MPHOSPH8: variants seen among roughly 807,000 people sequenced by gnomAD.
MPHOSPH8 encodes M-phase phosphoprotein, mpp.
In MPHOSPH8, 45 loss-of-function variants were observed where a neutral mutation model predicts 87.3. That is an observed-to-expected ratio of 0.52 (90% CI 0.41 to 0.66). The LOEUF is 0.66. Ranked by LOEUF, MPHOSPH8 falls within the 30% of genes least tolerant of loss-of-function variation. The pLI, the probability that MPHOSPH8 is intolerant of heterozygous loss-of-function variation, is 0.00. For missense variants in MPHOSPH8, 883 were observed against 1,020.2 expected, an observed-to-expected ratio of 0.87 and a Z score of 1.83; for synonymous variants, 366 against 376.9, an observed-to-expected ratio of 0.97 and a Z score of 0.33.
Position 19,642,095 on chromosome 13 carries a change from C to G in MPHOSPH8, c.214-20C>G. On this transcript the variant is annotated intron_variant, in intron 1 of 13. Coordinates refer to ENST00000361479, the MANE Select transcript of MPHOSPH8 (RefSeq NM_017520.4). The stretch of plus-strand genomic sequence containing the variant: ...AGTTAGCAATCTGCTTTATTTGCCT[C>G]CTTTTATTTTCTATAACAGGGTAAA... 1 of 1,356,300 alleles carries G rather than the reference C, an allele frequency of 7.4e-7. No individual in the cohort carries two copies. The highest frequency in any genetic ancestry group is 9.6e-7 in the Non-Finnish European group (1 of 1,041,902). 84.0% of individuals were successfully genotyped at this position (1,356,300 alleles called of 1,614,324 possible).
intron 1 of MPHOSPH8, 72 bp from the exon 2 acceptor site, chr13:19,642,043 T>TTG (rs1874321219): frequency 1.9e-6 from 2 of 1,038,088 alleles, no homozygotes; most frequent in South Asian, 3.6e-5. Context: ...CTCATCAGTT[T>TTG]TTTTTTTTTT....
intron 5 of MPHOSPH8, among the ~76,000 whole-genome samples, chr13:19,656,009 A>G (rs945130769): frequency 3.3e-5 from 5 of 152,164 alleles, no homozygotes; most frequent in African/African-American, 1.2e-4. Context: ...CTGAAGCAGG[A>G]TAATCGCTTA....
At chr13:19,660,321 G>A (rs767133544) in intron 7 of MPHOSPH8, among the ~76,000 whole-genome samples, 2 of 151,506 alleles carry the variant, frequency 1.3e-5, no homozygotes, top group Non-Finnish European at 2.9e-5. Context: ...TAGATTTTAG[G>A]TTTGTGTTTG....
chr13:19,667,555 T>G (rs1338158165), intron 10 of MPHOSPH8, among the ~76,000 whole-genome samples: 2 of 151,746 alleles, frequency 1.3e-5, no homozygotes, highest in African/African-American at 2.4e-5. Context: ...CAACCACCAG[T>G]AATTTAATTC....
At chr13:19,665,409 G>A (rs542403561) in intron 9 of MPHOSPH8, among the ~76,000 whole-genome samples, 8 of 152,324 alleles carry the variant, frequency 5.3e-5, no homozygotes, top group African/African-American at 1.7e-4. Flanking sequence ...CAGAGGGACT[G>A]CCCTCGCCTG....
intron 2 of MPHOSPH8, among the ~76,000 whole-genome samples, chr13:19,644,142 T>C (rs1251609408): frequency 6.6e-6 from 1 of 152,250 alleles, no homozygotes; most frequent in Non-Finnish European, 1.5e-5. Context: ...TTATCAATTT[T>C]ATAAACAGGT....
chr13:19,664,715 A>G lies in MPHOSPH8; in HGVS notation c.2019+1589A>G, dbSNP rs2137538432. On this transcript the variant is annotated intron_variant, in intron 9 of 13. Transcript: ENST00000361479. ...ACTGGAGGTGACGCCTGGGCATCCC[A>G]TTTCCTAAGTTGGGGCACGGCTGGC... is the stretch of plus-strand genomic sequence containing the variant. Among the ~76,000 whole-genome samples the G allele has an allele frequency of 2.6e-5, 4 of 152,074 alleles. 1 individual carries two copies. The Middle Eastern group carries it at 0.01, about 388-fold the overall frequency.
chr13:19,666,635 T>C lies in MPHOSPH8; in HGVS notation c.2174+56T>C, dbSNP rs138128382. 416 of 1,461,614 alleles carry C rather than the reference T, an allele frequency of 2.8e-4. 3 individuals are homozygous for C. The African/African-American group carries it at 4.9e-3, about 17-fold the overall frequency. The allele number at this position is 1,461,614 out of a possible 1,614,324, so 90.5% of individuals were successfully genotyped here. A position where few individuals can be genotyped will look rare whatever the true frequency, so the allele number is the denominator to read the frequency against. On this transcript the variant is annotated intron_variant, in intron 10 of 13. Coordinates refer to ENST00000361479, the MANE Select transcript of MPHOSPH8 (RefSeq NM_017520.4). ...GTCACATATCATACATCTGTTTATGTAGACATATTATAATTGGAGTGGCCT... is the reference window on the plus strand; with the variant it reads ...GTCACATATCATACATCTGTTTATGCAGACATATTATAATTGGAGTGGCCT...
chr13:19,642,770 T>C (rs9578171), intron 2 of MPHOSPH8, among the ~76,000 whole-genome samples: 16,734 of 152,188 alleles, frequency 0.11, 999 homozygotes, highest in Middle Eastern at 0.15. Context: ...AGGCTGAACA[T>C]TGATCTTTCT....
At chr13:19,651,847 C>G (rs1874866571) in intron 5 of MPHOSPH8, among the ~76,000 whole-genome samples, 1 of 152,102 alleles carries the variant, frequency 6.6e-6, no homozygotes, top group South Asian at 2.1e-4. Context: ...CACCTGTAAT[C>G]CCAGCACTTT....
chr13:19,645,615 G>A (rs965489982), intron 2 of MPHOSPH8, among the ~76,000 whole-genome samples: 1 of 151,958 alleles, frequency 6.6e-6, no homozygotes, highest in Non-Finnish European at 1.5e-5. Context: ...AATTAGCAGG[G>A]TGTGGTGGCA....
chr13:19,670,472 C>T (rs2125545), intron 12 of MPHOSPH8, 109 bp downstream of exon 12: 996,911 of 1,286,212 alleles, frequency 0.78, 392,946 homozygotes, highest in East Asian at 0.91. Context: ...ATTCAGAAAA[C>T]GATCCAGTAA....
intron 3 of MPHOSPH8, 71 bp from the exon 4 acceptor site, chr13:19,648,351 T>C (rs1423568329): frequency 3.2e-6 from 3 of 945,462 alleles, no homozygotes; most frequent in East Asian, 5.9e-5. Flanking sequence ...ACCTGTATTT[T>C]CCGGTTCTCA....
At chr13:19,634,053 AC>A in intron 1 of MPHOSPH8, 92 bp downstream of exon 1, 1 of 1,311,864 alleles carries the variant, frequency 7.6e-7, no homozygotes, top group South Asian at 1.3e-5. Flanking sequence ...CAGACCCAAA[AC>A]AGGAGCGGGG....
rs767072111 is a variant in MPHOSPH8, at chr13:19,671,899, G to A, written c.*24G>A. 1 of 1,610,854 alleles carries A rather than the reference G, an allele frequency of 6.2e-7. No homozygotes were observed. Among genetic ancestry groups the A allele is most frequent in the Admixed American group, 1.7e-5 (1 of 59,986 alleles). On this transcript the variant is annotated 3_prime_UTR_variant, in exon 14 of 14. Transcript: ENST00000361479. ...GACCAAACAGAAGGGACTGGGCGGAGTTCTCTTCAGACCGATTCCTATACT... is the reference window on the plus strand; with the variant it reads ...GACCAAACAGAAGGGACTGGGCGGAATTCTCTTCAGACCGATTCCTATACT...
chr13:19,652,873 C>CCT (rs113526191), intron 5 of MPHOSPH8, among the ~76,000 whole-genome samples: 16,293 of 152,158 alleles, frequency 0.11, 1,061 homozygotes, highest in African/African-American at 0.18. Context: ...GGCCAGACTG[C>CCT]CTCTAGATTC....
intron 1 of MPHOSPH8, among the ~76,000 whole-genome samples, chr13:19,638,567 C>T (rs1463270390): frequency 1.3e-5 from 2 of 150,004 alleles, no homozygotes; most frequent in Non-Finnish European, 3.0e-5. Flanking sequence ...GAGCCGAGAT[C>T]GTGACACTGC....
chr13:19,671,692 A>G (rs938638063), intron 13 of MPHOSPH8, 142 bp from the exon 14 acceptor site: 43 of 684,140 alleles, frequency 6.3e-5, no homozygotes, highest in Admixed American at 2.7e-4. Context: ...TAAAATGGCA[A>G]TGATCTAACA....
chr13:19,643,720 A>G lies in MPHOSPH8; in HGVS notation c.369+1450A>G, dbSNP rs565504121. Among the ~76,000 whole-genome samples the G allele has an allele frequency of 4.6e-5, 7 of 152,196 alleles. No homozygotes were observed. In the South Asian group the frequency reaches 1.5e-3, roughly 32 times the overall value. ...TCAACATGTTACTATTGGTGCTAAA[A>G]CTGTTGTACATTTAGCTGGAACCCC... On this transcript the variant is annotated intron_variant, in intron 2 of 13. Coordinates refer to ENST00000361479, the MANE Select transcript of MPHOSPH8 (RefSeq NM_017520.4).
Sources: gnomAD v4.1 joint callset for allele counts (sites outside exome capture counted in the v4.1 genomes callset) on GRCh38, gnomAD v4.1.1 for gene constraint, MANE v1.5 for transcripts, NCBI Gene and HGNC (gene_info 2026-07-23, HGNC 2026-07-21) for gene names.